FHIT: variants seen among roughly 807,000 people sequenced by gnomAD.
FHIT encodes bis(5'-adenosyl)-triphosphatase.
Under a neutral mutation model 17.9 loss-of-function variants are expected in FHIT, and 19 were observed. That is an observed-to-expected ratio of 1.06 (90% confidence interval 0.74 to 1.56). The LOEUF (loss-of-function observed/expected upper bound fraction) is 1.56, where lower values mean the gene tolerates loss of function less well. Ranked by LOEUF, FHIT falls within the 40% of genes most tolerant of loss-of-function variation. The pLI, the probability that FHIT is intolerant of heterozygous loss-of-function variation, is 0.00. For synonymous variants in FHIT, 81 were observed against 69.7 expected (o/e 1.16, Z -0.81); for missense variants, 248 against 189.2 (o/e 1.31, Z -1.82).
intron 2 of FHIT, among the ~76,000 whole-genome samples, chr3:61,198,875 G>C (rs998550053): frequency 4.9e-5 from 7 of 143,392 alleles, no homozygotes; most frequent in African/African-American, 1.5e-4. Flanking sequence ...TAAAGATGCT[G>C]TTGCTGCTGC....
At chr3:60,681,450 T>C (rs972002632) in intron 4 of FHIT, among the ~76,000 whole-genome samples, 2 of 152,102 alleles carry the variant, frequency 1.3e-5, no homozygotes, top group Admixed American at 6.6e-5. Flanking sequence ...AGCTTCTAAG[T>C]GTTCAAGTGA....
rs375371932 is a variant in FHIT, at chr3:60,536,978, G to C, written c.-16C>G. On this transcript the variant is annotated splice_region_variant and 5_prime_UTR_variant, in exon 5 of 10. Coordinates refer to ENST00000492590, the MANE Select transcript of FHIT (RefSeq NM_002012.4). Reference sequence around the variant, plus strand: ...TGAACGACATGTCCTCACAGTTGAAGTCTAAAAGAAAAGACAATGGATAGT... The same window carrying C: ...TGAACGACATGTCCTCACAGTTGAACTCTAAAAGAAAAGACAATGGATAGT... 2 of 1,597,116 alleles carry C rather than the reference G, an allele frequency of 1.3e-6. No homozygotes were observed. Among genetic ancestry groups the C allele is most frequent in the Non-Finnish European group, 1.7e-6 (2 of 1,174,638 alleles).
intron 8 of FHIT, among the ~76,000 whole-genome samples, chr3:59,805,673 G>A (rs1700168445): frequency 6.6e-6 from 1 of 152,170 alleles, no homozygotes; most frequent in Non-Finnish European, 1.5e-5. Flanking sequence ...TGGAAAGACT[G>A]TAAACTTGGA....
chr3:59,987,713 C>T (rs556643834), intron 7 of FHIT, among the ~76,000 whole-genome samples: 1 of 151,698 alleles, frequency 6.6e-6, no homozygotes, highest in African/African-American at 2.4e-5. Flanking sequence ...TCCTGAATTC[C>T]TTTTGTAGTA....
chr3:60,267,868 T>C (rs1045927768), intron 5 of FHIT, among the ~76,000 whole-genome samples: 1 of 152,182 alleles, frequency 6.6e-6, no homozygotes, highest in African/African-American at 2.4e-5. Context: ...CTTGTAAAAC[T>C]TGGACTTGAT....
intron 5 of FHIT, among the ~76,000 whole-genome samples, chr3:60,440,251 A>T (rs910455822): frequency 2.6e-5 from 4 of 152,070 alleles, no homozygotes; most frequent in Non-Finnish European, 5.9e-5. Flanking sequence ...CCCAGTCATC[A>T]GTTCCCAAGA....
chr3:60,877,140 G>A (rs1289165096), intron 3 of FHIT, among the ~76,000 whole-genome samples: 1 of 152,186 alleles, frequency 6.6e-6, no homozygotes, highest in Non-Finnish European at 1.5e-5. Flanking sequence ...AACTAATACT[G>A]TGCTCTATTC....
intron 5 of FHIT, among the ~76,000 whole-genome samples, chr3:60,343,762 G>C (rs1263255496): frequency 6.6e-6 from 1 of 152,118 alleles, no homozygotes; most frequent in East Asian, 1.9e-4. Context: ...TCCACAACAA[G>C]AGATTAAACC....
chr3:59,797,159 G>A (rs545116867), intron 8 of FHIT, among the ~76,000 whole-genome samples: 126 of 151,684 alleles, frequency 8.3e-4, no homozygotes, highest in South Asian at 2.5e-3. Context: ...AATATTATAA[G>A]TCACCACAAA....
intron 4 of FHIT, among the ~76,000 whole-genome samples, chr3:60,670,673 T>C (rs1553693600): frequency 1.3e-5 from 2 of 152,156 alleles, no homozygotes; most frequent in African/African-American, 2.4e-5. Context: ...TCCTAATATT[T>C]AGAACACATT....
At chr3:59,905,499 C>G (rs959352952) in intron 8 of FHIT, among the ~76,000 whole-genome samples, 2 of 152,162 alleles carry the variant, frequency 1.3e-5, no homozygotes, top group Non-Finnish European at 2.9e-5. Flanking sequence ...TAGTGCCTCT[C>G]ACGTAGTAAG....
At position 60,013,937 on chromosome 3, in the gene FHIT, A is replaced by T. The variant is rs891539226; in HGVS notation, c.249+70T>A. The T allele has an allele frequency of 1.4e-5, 21 of 1,481,672 alleles. No homozygotes were observed. In the African/African-American group the frequency reaches 2.8e-4, roughly 20 times the overall value. 91.8% of individuals were successfully genotyped at this position (1,481,672 alleles called of 1,614,324 possible). On this transcript the variant is annotated intron_variant, in intron 6 of 9. Transcript: ENST00000492590. ...ACATCTGCCCTCCTGGTAAGATATCAGGAGGAGCAAGCCCAATGCCGGGAT... is the reference window on the plus strand; with the variant it reads ...ACATCTGCCCTCCTGGTAAGATATCTGGAGGAGCAAGCCCAATGCCGGGAT...
At chr3:60,411,287 TC>T (rs1364480209) in intron 5 of FHIT, among the ~76,000 whole-genome samples, 4 of 152,140 alleles carry the variant, frequency 2.6e-5, no homozygotes, top group Non-Finnish European at 4.4e-5. Flanking sequence ...GAAGAAACAC[TC>T]TTCTTATTTC....
At chr3:60,941,376 T>C (rs782814509) in intron 3 of FHIT, among the ~76,000 whole-genome samples, 8 of 151,456 alleles carry the variant, frequency 5.3e-5, no homozygotes, top group African/African-American at 1.9e-4. Context: ...TACTCTGTGT[T>C]TTAAATTGAG....
At chr3:61,152,568 G>T (rs956790996) in intron 2 of FHIT, among the ~76,000 whole-genome samples, 1 of 152,128 alleles carries the variant, frequency 6.6e-6, no homozygotes, top group African/African-American at 2.4e-5. Context: ...TGAAGTTGGG[G>T]TGCTCTGACC....
chr3:60,537,966 G>GATACTGTGAA (rs111683800), intron 4 of FHIT, among the ~76,000 whole-genome samples: 113,717 of 151,538 alleles, frequency 0.75, 42,909 homozygotes, highest in African/African-American at 0.82. Context: ...GGCTATTTGT[G>GATACTGTGAA]ATATGCATTT....
chr3:60,620,844 A>T (rs370762859), intron 4 of FHIT, among the ~76,000 whole-genome samples: 1 of 152,208 alleles, frequency 6.6e-6, no homozygotes, highest in Admixed American at 6.5e-5. Flanking sequence ...TCAAATGTAA[A>T]AAATATACCA....
chr3:61,123,706 C>T (rs754722681), intron 2 of FHIT, among the ~76,000 whole-genome samples: 11 of 152,106 alleles, frequency 7.2e-5, no homozygotes, highest in Non-Finnish European at 1.5e-4. Context: ...GCAACATTTA[C>T]TCCCTTAGTG....
intron 3 of FHIT, among the ~76,000 whole-genome samples, chr3:60,932,377 C>T (rs1317621667): frequency 1.3e-5 from 2 of 152,170 alleles, no homozygotes; most frequent in African/African-American, 4.8e-5. Context: ...CCCTTCTCTG[C>T]CCTGCTGGTG....
Sources: allele counts gnomAD v4.1 joint callset (sites outside exome capture counted in the v4.1 genomes callset), GRCh38; gene constraint gnomAD v4.1.1; transcripts MANE v1.5; gene names NCBI Gene and HGNC (gene_info 2026-07-23, HGNC 2026-07-21).